The following OTOA variants were observed in gnomAD, a reference collection of about 807,000 sequenced individuals.
The protein encoded by OTOA is otoancorin.
Under a neutral mutation model 110.8 loss-of-function variants are expected in OTOA, and 70 were observed. The ratio of observed to expected loss-of-function variants is 0.63; its 90% CI spans 0.52 to 0.77. OTOA has a LOEUF of 0.77. Ranked by LOEUF, OTOA falls within the 30% of genes least tolerant of loss-of-function variation. The pLI, the probability that OTOA is intolerant of heterozygous loss-of-function variation, is 0.00. For missense variants in OTOA, 917 were observed against 1,075.8 expected, an observed-to-expected ratio of 0.85 and a Z score of 2.06; for synonymous variants, 373 against 431.5, an observed-to-expected ratio of 0.86 and a Z score of 1.68.
intron 21 of OTOA, among the ~76,000 whole-genome samples, chr16:21,734,750 C>T (rs867836552): frequency 1.1e-4 from 17 of 151,718 alleles, no homozygotes; most frequent in African/African-American, 1.9e-4. Flanking sequence ...GGTAGGAGAA[C>T]GGCGTGAACC....
At chr16:21,736,454 C>T in intron 22 of OTOA, 64 bp downstream of exon 22, 4 of 1,601,282 alleles carry the variant, frequency 2.5e-6, no homozygotes, top group Non-Finnish European at 3.4e-6. Flanking sequence ...GGCAGGGTCC[C>T]TGACATCAAG....
At chr16:21,756,445 C>T (rs938533486) in intron 27 of OTOA, among the ~76,000 whole-genome samples, 1 of 152,062 alleles carries the variant, frequency 6.6e-6, no homozygotes, top group Non-Finnish European at 1.5e-5. Flanking sequence ...CCCCAAAGCC[C>T]ACGGAGGCTG....
chr16:21,691,798 A>G, intron 9 of OTOA, 111 bp downstream of exon 9: 1 of 990,678 alleles, frequency 1.0e-6, no homozygotes, highest in Non-Finnish European at 1.6e-6. Flanking sequence ...GATTTTTACC[A>G]CCTCCCACTG....
At chr16:21,743,499 G>A (rs551498059) in intron 23 of OTOA, among the ~76,000 whole-genome samples, 2 of 151,298 alleles carry the variant, frequency 1.3e-5, no homozygotes, top group South Asian at 4.2e-4. Flanking sequence ...TCCCAGAGGT[G>A]GAATTTCTGG....
intron 6 of OTOA, among the ~76,000 whole-genome samples, chr16:21,683,290 T>C (rs918891932): frequency 1.3e-5 from 2 of 152,218 alleles, no homozygotes; most frequent in Non-Finnish European, 2.9e-5. Flanking sequence ...GAAAACACTT[T>C]ACACACTGAA....
chr16:21,687,370 G>A, intron 7 of OTOA, 43 bp from the exon 8 acceptor site: 1 of 1,557,808 alleles, frequency 6.4e-7, no homozygotes, highest in Non-Finnish European at 8.9e-7. Context: ...TCCAAATTGA[G>A]AGGCAGCTCT....
In OTOA at chr16:21,706,056, C is replaced by G. The variant is rs574990894; in HGVS notation, c.1104+764C>G. Among the ~76,000 whole-genome samples the G allele has an allele frequency of 1.2e-3, 184 of 152,072 alleles. 2 individuals are homozygous for G. Among genetic ancestry groups the G allele is most frequent in the South Asian group, 2.9e-3 (14 of 4,810 alleles). On this transcript the variant is annotated intron_variant, in intron 12 of 28. Transcript: ENST00000646100. ...AGTGAGCTATGATAGTGACTTTGCA[C>G]TCTAGTTGGATGACAGAGCAAGACC...
rs138853464 is a variant in OTOA, at chr16:21,719,426, T to G, written c.1728T>G (p.Ile576Met). The change falls in exon 17 of 29, where the codon ATT becomes ATG. Residue 576 changes from isoleucine (I) to methionine (M), a missense_variant. Transcript: ENST00000646100. ...QLVKGVTCSH[I>M]DAMSTDFFLA... Reference sequence around the variant, plus strand: ...TCAAAGGCGTGACCTGCTCACACATTGATGCCATGAGCACTGACTTCTTTC... The same window carrying G: ...TCAAAGGCGTGACCTGCTCACACATGGATGCCATGAGCACTGACTTCTTTC... 73 of 1,614,070 alleles carry G rather than the reference T, an allele frequency of 4.5e-5. No individual in the cohort carries two copies. In the African/African-American group the frequency reaches 9.6e-4, roughly 21 times the overall value.
At chr16:21,678,365 A>G in intron 1 of OTOA, 146 bp from the exon 2 acceptor site, 1 of 523,460 alleles carries the variant, frequency 1.9e-6, no homozygotes, top group Non-Finnish European at 3.2e-6. Context: ...ACTTCAAGGG[A>G]TTCTGGGTGT....
chr16:21,756,415 C>T (rs1899987165), intron 27 of OTOA, among the ~76,000 whole-genome samples: 1 of 152,072 alleles, frequency 6.6e-6, no homozygotes, highest in Non-Finnish European at 1.5e-5. Context: ...GATGAGTTCT[C>T]TATGCCGTCT....
At chr16:21,683,418 C>T (rs911125223) in intron 6 of OTOA, among the ~76,000 whole-genome samples, 5 of 152,100 alleles carry the variant, frequency 3.3e-5, no homozygotes, top group Non-Finnish European at 7.3e-5. Context: ...TGTGACTCTG[C>T]GTGGTGGCTC....
chr16:21,724,690 C>G, intron 18 of OTOA, among the ~76,000 whole-genome samples: 1 of 152,120 alleles, frequency 6.6e-6, no homozygotes, highest in East Asian at 1.9e-4. Context: ...ATGGAACTGC[C>G]TTAGAAGGGG....
chr16:21,759,931 C>T (rs907487750), intron 28 of OTOA, among the ~76,000 whole-genome samples: 2 of 151,712 alleles, frequency 1.3e-5, no homozygotes, highest in Non-Finnish European at 2.9e-5. Flanking sequence ...GTTGTCAAAT[C>T]CCCTGCAGAA....
At chr16:21,706,819 G>A (rs898809092) in intron 12 of OTOA, among the ~76,000 whole-genome samples, 13 of 145,892 alleles carry the variant, frequency 8.9e-5, no homozygotes, top group Non-Finnish European at 1.1e-4. Flanking sequence ...TTTGGTCAGC[G>A]CATCTTTTTT....
intron 21 of OTOA, among the ~76,000 whole-genome samples, chr16:21,733,853 G>T (rs997756540): frequency 1.3e-5 from 2 of 152,156 alleles, no homozygotes. Flanking sequence ...AGGCCGGAAT[G>T]CAGTGGCACG....
chr16:21,685,488 C>T, intron 7 of OTOA, 127 bp downstream of exon 7: 1 of 1,354,388 alleles, frequency 7.4e-7, no homozygotes, highest in Non-Finnish European at 1.0e-6. Flanking sequence ...CTTCTGCCTC[C>T]TCCAACCCCC....
At chr16:21,684,491 T>A in intron 6 of OTOA, 2 of 1,549,306 alleles carry the variant, frequency 1.3e-6, no homozygotes, top group Non-Finnish European at 1.7e-6. Context: ...TCTGGGGTTC[T>A]AAACTTCCTG....
chr16:21,721,953 G>A (rs1242815606), intron 17 of OTOA, among the ~76,000 whole-genome samples: 1 of 151,842 alleles, frequency 6.6e-6, no homozygotes, highest in Non-Finnish European at 1.5e-5. Context: ...GCCGGGCACA[G>A]TGGCTCACGC....
Position 21,701,047 on chromosome 16 carries a change from G to A in OTOA, c.980+20G>A. 1 of 1,614,050 alleles carries A rather than the reference G, an allele frequency of 6.2e-7. No homozygotes were observed. The highest frequency in any genetic ancestry group is 8.5e-7 in the Non-Finnish European group (1 of 1,180,036). On this transcript the variant is annotated intron_variant, in intron 11 of 28. Transcript: ENST00000646100. Reference sequence around the variant, plus strand: ...CCACAGGCAAGCGCATGAGCTCTGGGCCTTGGAGCCCTTTCCCAAGATGTG... The same window carrying A: ...CCACAGGCAAGCGCATGAGCTCTGGACCTTGGAGCCCTTTCCCAAGATGTG...
Sources: allele counts gnomAD v4.1 joint callset (sites outside exome capture counted in the v4.1 genomes callset), GRCh38; gene constraint gnomAD v4.1.1; transcripts MANE v1.5; gene names NCBI Gene and HGNC (gene_info 2026-07-23, HGNC 2026-07-21).